The following NAALADL2 variants were observed in gnomAD, a reference collection of about 807,000 sequenced individuals.
NAALADL2 encodes N-acetylated alpha-linked acidic dipeptidase like 2.
A neutral mutation model predicts 87.2 loss-of-function variants in NAALADL2; 76 were observed. That is an observed-to-expected ratio of 0.87 (90% CI 0.72 to 1.05). NAALADL2 has a LOEUF of 1.05. Among genes scored for constraint, NAALADL2 ranks in the 50% least tolerant of loss-of-function variants. NAALADL2 has a pLI of 0.00. For synonymous variants in NAALADL2, 354 were observed against 331.0 expected, an observed-to-expected ratio of 1.07 and a Z score of -0.75; for missense variants, 1,089 against 945.8, an observed-to-expected ratio of 1.15 and a Z score of -1.99.
chr3:175,773,973 T>C lies in NAALADL2; in HGVS notation c.2189+18555T>C, dbSNP rs117628929. Among the ~76,000 whole-genome samples the C allele has an allele frequency of 1.0e-3, 157 of 152,236 alleles. 5 individuals are homozygous for C. The East Asian group carries it at 0.027, about 26-fold the overall frequency. The stretch of plus-strand genomic sequence containing the variant: ...TTCAGAGATTGTAAATTATATTATT[T>C]ATGAACTCTTGATGACTGAAACACA... On this transcript the variant is annotated intron_variant, in intron 13 of 13. Transcript: ENST00000454872.
At chr3:175,729,686 A>G (rs1743404200) in intron 11 of NAALADL2, among the ~76,000 whole-genome samples, 1 of 151,900 alleles carries the variant, frequency 6.6e-6, no homozygotes, top group Non-Finnish European at 1.5e-5. Context: ...CAGTCTCCGA[A>G]TCTGTTGTGA....
chr3:174,966,772 CA>C (rs1377707950), intron 1 of NAALADL2, among the ~76,000 whole-genome samples: 3 of 151,942 alleles, frequency 2.0e-5, no homozygotes, highest in Non-Finnish European at 4.4e-5. Flanking sequence ...GACTGGGGAT[CA>C]AAATTTGGGA....
intron 13 of NAALADL2, among the ~76,000 whole-genome samples, chr3:175,771,352 C>T (rs1248382559): frequency 6.6e-6 from 1 of 152,080 alleles, no homozygotes; most frequent in East Asian, 1.9e-4. Flanking sequence ...TTTTGTGATT[C>T]CCATTTTACT....
chr3:174,726,526 AT>A (rs1732206732), intron 2 of NAALADL2, among the ~76,000 whole-genome samples: 1 of 151,790 alleles, frequency 6.6e-6, no homozygotes, highest in Non-Finnish European at 1.5e-5. Flanking sequence ...GCTCCTTTAA[AT>A]TTTTTTGCCC....
intron 2 of NAALADL2, among the ~76,000 whole-genome samples, chr3:174,625,408 T>C (rs185409878): frequency 6.6e-6 from 1 of 152,118 alleles, no homozygotes. Flanking sequence ...AAATAATTAC[T>C]TTTTACTTTC....
chr3:175,788,726 A>G (rs1250680739), intron 13 of NAALADL2, among the ~76,000 whole-genome samples: 2 of 152,246 alleles, frequency 1.3e-5, no homozygotes, highest in Admixed American at 6.5e-5. Flanking sequence ...ACTAGTAGTC[A>G]TGGCTAGATG....
chr3:174,887,068 T>C (rs1730250208), intron 1 of NAALADL2, among the ~76,000 whole-genome samples: 1 of 152,206 alleles, frequency 6.6e-6, no homozygotes, highest in Admixed American at 6.5e-5. Flanking sequence ...CTGTAGCTTA[T>C]ATAAGGAGCT....
At position 175,730,441 on chromosome 3, in the gene NAALADL2, T is replaced by C. The variant is rs13077629; in HGVS notation, c.1897-6865T>C. Among the ~76,000 whole-genome samples, 68 of 63,040 alleles carry C rather than the reference T, an allele frequency of 1.1e-3. 2 individuals are homozygous for C. Among genetic ancestry groups the C allele is most frequent in the Admixed American group, 3.1e-3 (20 of 6,502 alleles). 41.4% of individuals were successfully genotyped at this position (63,040 alleles called of 152,430 possible). A position where few individuals can be genotyped will look rare whatever the true frequency, so the allele number is the denominator to read the frequency against. On this transcript the variant is annotated intron_variant, in intron 11 of 13. Coordinates refer to ENST00000454872, the MANE Select transcript of NAALADL2 (RefSeq NM_207015.3). ...ATATATATATATATATATATATATA[T>C]ATACACACATACACACGCACACACA...
At chr3:174,659,354 A>T (rs549255983) in intron 2 of NAALADL2, among the ~76,000 whole-genome samples, 25 of 152,300 alleles carry the variant, frequency 1.6e-4, no homozygotes, top group African/African-American at 5.8e-4. Context: ...ATATATTAGA[A>T]ATGTCTCAAT....
chr3:175,333,496 A>G (rs1761642336), intron 5 of NAALADL2, among the ~76,000 whole-genome samples: 1 of 152,204 alleles, frequency 6.6e-6, no homozygotes, highest in African/African-American at 2.4e-5. Context: ...CCATCAAAGA[A>G]ATGAAATCAT....
At chr3:175,539,720 G>A (rs1255700542) in intron 9 of NAALADL2, among the ~76,000 whole-genome samples, 1 of 152,080 alleles carries the variant, frequency 6.6e-6, no homozygotes, top group African/African-American at 2.4e-5. Context: ...GGGGCAGATT[G>A]TTCATAGTGT....
At chr3:174,646,864 T>C (rs548661037) in intron 2 of NAALADL2, among the ~76,000 whole-genome samples, 1 of 152,250 alleles carries the variant, frequency 6.6e-6, no homozygotes, top group East Asian at 1.9e-4. Context: ...AACATTACAT[T>C]TGATTAAATT....
intron 5 of NAALADL2, among the ~76,000 whole-genome samples, chr3:175,328,815 AAAAC>A (rs1305444231): frequency 6.6e-6 from 1 of 152,218 alleles, no homozygotes; most frequent in Non-Finnish European, 1.5e-5. Context: ...GGTAAGACCC[AAAAC>A]AAACAGAAAA....
At chr3:174,920,788 T>G (rs1735066954) in intron 1 of NAALADL2, among the ~76,000 whole-genome samples, 1 of 152,204 alleles carries the variant, frequency 6.6e-6, no homozygotes, top group Non-Finnish European at 1.5e-5. Context: ...ATCTGTAGCT[T>G]TTGATTTAAA....
At chr3:175,643,468 C>T (rs1478630094) in intron 11 of NAALADL2, among the ~76,000 whole-genome samples, 1 of 152,140 alleles carries the variant, frequency 6.6e-6, no homozygotes, top group African/African-American at 2.4e-5. Context: ...ACTAGAATAG[C>T]CTGTTGATAA....
intron 2 of NAALADL2, among the ~76,000 whole-genome samples, chr3:174,654,956 C>T (rs946375200): frequency 1.2e-4 from 18 of 152,040 alleles, no homozygotes; most frequent in African/African-American, 3.6e-4. Context: ...AGGATGGTCT[C>T]GATCTCCTGA....
chr3:175,557,712 A>G (rs939684620), intron 9 of NAALADL2, among the ~76,000 whole-genome samples: 5 of 151,934 alleles, frequency 3.3e-5, no homozygotes, highest in Non-Finnish European at 5.9e-5. Flanking sequence ...AGTTCCATCA[A>G]TGTTGTTTGG....
chr3:175,229,797 T>C (rs1744681347), intron 2 of NAALADL2, among the ~76,000 whole-genome samples: 1 of 152,038 alleles, frequency 6.6e-6, no homozygotes, highest in African/African-American at 2.4e-5. Context: ...TGATCTTTAG[T>C]CTCAATGTAA....
chr3:174,870,394 C>T (rs1229397623), intron 1 of NAALADL2, among the ~76,000 whole-genome samples: 15 of 152,016 alleles, frequency 9.9e-5, no homozygotes, highest in Non-Finnish European at 1.5e-5. Flanking sequence ...ATACCACTGA[C>T]CATATAGTAT....
Sources: gnomAD v4.1 joint callset for allele counts (sites outside exome capture counted in the v4.1 genomes callset) on GRCh38, gnomAD v4.1.1 for gene constraint, MANE v1.5 for transcripts, NCBI Gene and HGNC (gene_info 2026-07-23, HGNC 2026-07-21) for gene names.